The following LINGO1 variants were observed in gnomAD, a reference collection of about 807,000 sequenced individuals.
LINGO1 encodes leucine-rich repeat and immunoglobulin-like domain-containing nogo receptor-interacting protein 1.
LINGO1 carries 11 observed loss-of-function variants against 37.3 expected under a neutral mutation model. The ratio of observed to expected loss-of-function variants is 0.29; its 90% CI spans 0.19 to 0.49. The LOEUF is 0.49. Ranked by LOEUF, LINGO1 falls within the 20% of genes least tolerant of loss-of-function variation. LINGO1 has a pLI of 0.99. For missense variants in LINGO1, 585 were observed against 878.2 expected, an observed-to-expected ratio of 0.67 and a Z score of 4.22; for synonymous variants, 387 against 403.0, an observed-to-expected ratio of 0.96 and a Z score of 0.48.
At chr15:77,675,155 G>A (rs548328104) in intron 3 of LINGO1, among the ~76,000 whole-genome samples, 5 of 152,280 alleles carry the variant, frequency 3.3e-5, no homozygotes, top group African/African-American at 4.8e-5. Flanking sequence ...GAGGGAAAGG[G>A]GCATTTTGCA....
intron 1 of LINGO1, among the ~76,000 whole-genome samples, chr15:77,621,529 A>G (rs954830858): frequency 3.9e-5 from 6 of 152,142 alleles, no homozygotes; most frequent in South Asian, 2.1e-4. Flanking sequence ...CTGCTCCAAG[A>G]GCTGCCTGGT....
At chr15:77,812,995 C>A (rs2077018229) in intron 1 of LINGO1, among the ~76,000 whole-genome samples, 1 of 152,238 alleles carries the variant, frequency 6.6e-6, no homozygotes, top group South Asian at 2.1e-4. Context: ...AAGGGAGGCA[C>A]TGCATGACCC....
intron 2 of LINGO1, among the ~76,000 whole-genome samples, chr15:77,710,423 G>A (rs902694167): frequency 1.3e-5 from 2 of 152,184 alleles, no homozygotes; most frequent in Admixed American, 6.5e-5. Context: ...AGAGAGTCTC[G>A]GCTCCTAATT....
rs1555527609 is a variant in LINGO1 at position 77,664,170 on chromosome 15, T to TGCGCGCGTGCGC, written c.-13+12918_-13+12919insGCGCACGCGCGC. Reference sequence around the variant, plus strand: ...GTGTGTGTGTGTGTGTGTGTGTGTGTGCGCGCGCGCATGCGTTTGCATTCT... The same window carrying TGCGCGCGTGCGC: ...GTGTGTGTGTGTGTGTGTGTGTGTGTGCGCGCGTGCGCGCGCGCGCGCATGCGTTTGCATTCT... On this transcript the variant is annotated intron_variant, in intron 3 of 3. Transcript: ENST00000559893. Among the ~76,000 whole-genome samples, 9 of 131,010 alleles carry TGCGCGCGTGCGC rather than the reference T, an allele frequency of 6.9e-5. No homozygotes were observed. In the Middle Eastern group the frequency reaches 0.011, roughly 159 times the overall value. The allele number at this position is 131,010 out of a possible 152,430, so 85.9% of individuals were successfully genotyped here.
At chr15:77,685,654 T>C (rs1316419565) in intron 2 of LINGO1, among the ~76,000 whole-genome samples, 3 of 150,122 alleles carry the variant, frequency 2.0e-5, no homozygotes, top group Admixed American at 2.0e-4. Context: ...GGCCAGGAGT[T>C]TGAGACCAGC....
At chr15:77,741,193 T>C (rs2076260657) in intron 1 of LINGO1, among the ~76,000 whole-genome samples, 1 of 152,216 alleles carries the variant, frequency 6.6e-6, no homozygotes, top group Non-Finnish European at 1.5e-5. Flanking sequence ...GGGGACACCC[T>C]GCAAAAAGCC....
chr15:77,615,201 T>C lies in LINGO1; in HGVS notation c.706A>G (p.Lys236Glu). 6.2e-7 allele frequency: 1 copy of C among 1,613,710 alleles called. No homozygotes were observed. Among genetic ancestry groups the C allele is most frequent in the Non-Finnish European group, 8.5e-7 (1 of 1,179,802 alleles). Residue 236 changes from lysine to glutamate, a missense_variant, in exon 2 of 2, where the codon AAG becomes GAG. This residue lies in a region of LINGO1 where 484 missense variants were observed against 735.0 expected (regional missense o/e 0.66). Transcript: ENST00000355300. ...AAGACCTTGAGTCGGTACAGCCTCT[T>C]GAAGGAGTAGTCCCGGATGGCATTG... ...NINAIRDYSF[K>E]RLYRLKVLEI...
At chr15:77,683,906 C>A (rs912758453) in intron 2 of LINGO1, among the ~76,000 whole-genome samples, 3 of 152,100 alleles carry the variant, frequency 2.0e-5, no homozygotes, top group Admixed American at 1.3e-4. Flanking sequence ...AATTCCCTGG[C>A]GTGGCACCCT....
intron 1 of LINGO1, among the ~76,000 whole-genome samples, chr15:77,810,379 A>T (rs575725932): frequency 6.6e-6 from 1 of 150,602 alleles, no homozygotes; most frequent in South Asian, 2.1e-4. Flanking sequence ...TCTAGGGAGG[A>T]GAGGGAGAGG....
intron 2 of LINGO1, among the ~76,000 whole-genome samples, chr15:77,705,221 C>T (rs1381202104): frequency 1.1e-5 from 1 of 87,028 alleles, no homozygotes; most frequent in Non-Finnish European, 2.8e-5. Context: ...CCACTTCCAG[C>T]ACCCTGGACC....
At chr15:77,717,544 G>A (rs901988884) in intron 2 of LINGO1, among the ~76,000 whole-genome samples, 3 of 150,954 alleles carry the variant, frequency 2.0e-5, no homozygotes, top group Non-Finnish European at 4.4e-5. Flanking sequence ...TGTCCTGCCT[G>A]TGAAAGCACG....
chr15:77,655,444 G>C (rs2074845245), intron 3 of LINGO1, among the ~76,000 whole-genome samples: 1 of 151,852 alleles, frequency 6.6e-6, no homozygotes, highest in Non-Finnish European at 1.5e-5. Context: ...ACATAGACAC[G>C]CTGGGTCCTA....
chr15:77,818,463 C>A (rs990067031), intron 1 of LINGO1, among the ~76,000 whole-genome samples: 6 of 152,150 alleles, frequency 3.9e-5, no homozygotes, highest in Non-Finnish European at 7.3e-5. Flanking sequence ...GTGAGGCACG[C>A]GGGGGCATGG....
chr15:77,715,833 C>T (rs549167247), intron 2 of LINGO1, among the ~76,000 whole-genome samples: 1 of 152,298 alleles, frequency 6.6e-6, no homozygotes, highest in East Asian at 1.9e-4. Context: ...GTGCTGGGAC[C>T]ACTTCCTCCA....
At chr15:77,642,712 G>A (rs575838646) in intron 3 of LINGO1, among the ~76,000 whole-genome samples, 1 of 152,332 alleles carries the variant, frequency 6.6e-6, no homozygotes, top group Admixed American at 6.5e-5. Context: ...GGCTTGGGCA[G>A]CAGACAGGTT....
At chr15:77,619,039 G>A (rs1174071619) in intron 1 of LINGO1, among the ~76,000 whole-genome samples, 1 of 152,246 alleles carries the variant, frequency 6.6e-6, no homozygotes, top group Non-Finnish European at 1.5e-5. Flanking sequence ...AGGAAAGAAT[G>A]CCACCAAGTC....
chr15:77,719,294 T>G (rs544405446), intron 2 of LINGO1, among the ~76,000 whole-genome samples: 3 of 150,246 alleles, frequency 2.0e-5, no homozygotes, highest in Admixed American at 6.7e-5. Context: ...CAAAGTCTCC[T>G]GCCAGCACCA....
chr15:77,753,625 C>A (rs991103033), intron 1 of LINGO1, among the ~76,000 whole-genome samples: 8 of 152,212 alleles, frequency 5.3e-5, no homozygotes, highest in Non-Finnish European at 8.8e-5. Context: ...CAGCATGGGG[C>A]CGCTTGCTCA....
chr15:77,624,786 C>G (rs1197805246), intron 1 of LINGO1, among the ~76,000 whole-genome samples: 2 of 152,154 alleles, frequency 1.3e-5, no homozygotes, highest in African/African-American at 4.8e-5. Flanking sequence ...CCCAGTACCC[C>G]CAGTTGGATG....
Sources: allele counts gnomAD v4.1 joint callset (sites outside exome capture counted in the v4.1 genomes callset), GRCh38; gene constraint gnomAD v4.1.1; regional missense constraint gnomAD v4.1.1; transcripts MANE v1.5; gene names NCBI Gene and HGNC (gene_info 2026-07-23, HGNC 2026-07-21).